GOLM1: variants seen among roughly 807,000 people sequenced by gnomAD.
GOLM1 encodes the protein golgi membrane protein 1.
Under a neutral mutation model 50.5 loss-of-function variants are expected in GOLM1, and 31 were observed. The ratio of observed to expected loss-of-function variants is 0.61; its 90% confidence interval spans 0.46 to 0.83. The LOEUF is 0.83. GOLM1 is among the 40% of genes least tolerant of loss of function. The pLI is 0.00. For synonymous variants in GOLM1, 178 were observed against 192.8 expected, an observed-to-expected ratio of 0.92 and a Z score of 0.64; for missense variants, 491 against 501.3, an observed-to-expected ratio of 0.98 and a Z score of 0.20.
At chr9:86,058,271 G>A (rs1355070864) in intron 3 of GOLM1, among the ~76,000 whole-genome samples, 8 of 152,222 alleles carry the variant, frequency 5.3e-5, no homozygotes, top group Non-Finnish European at 1.0e-4. Flanking sequence ...GAAACAGGTT[G>A]GGCAAAAGAT....
At chr9:86,056,272 T>C (rs926270403) in intron 3 of GOLM1, among the ~76,000 whole-genome samples, 2 of 152,044 alleles carry the variant, frequency 1.3e-5, no homozygotes, top group African/African-American at 4.8e-5. Flanking sequence ...TATCTTCCCC[T>C]ATCTACTTAC....
intron 5 of GOLM1, among the ~76,000 whole-genome samples, chr9:86,042,651 C>T (rs983291978): frequency 5.3e-5 from 8 of 152,220 alleles, no homozygotes; most frequent in Admixed American, 1.3e-4. Flanking sequence ...TGAAACATAG[C>T]GAACAAAAAG....
chr9:86,058,580 C>T (rs995623321), intron 3 of GOLM1, among the ~76,000 whole-genome samples: 4 of 151,568 alleles, frequency 2.6e-5, no homozygotes, highest in Non-Finnish European at 4.4e-5. Flanking sequence ...CCTGTAGTCC[C>T]AGCTACTTGG....
intron 3 of GOLM1, among the ~76,000 whole-genome samples, chr9:86,069,831 C>T (rs991660777): frequency 1.3e-5 from 2 of 152,192 alleles, no homozygotes; most frequent in African/African-American, 4.8e-5. Context: ...CACTGAAATG[C>T]TGTCCTTCTA....
chr9:86,048,435 T>C (rs552059147), intron 4 of GOLM1, among the ~76,000 whole-genome samples: 20 of 152,334 alleles, frequency 1.3e-4, no homozygotes, highest in African/African-American at 4.3e-4. Context: ...TCTAGATCCT[T>C]GAGGAATCGC....
intron 9 of GOLM1, among the ~76,000 whole-genome samples, chr9:86,028,612 T>G (rs1832863282): frequency 6.6e-6 from 1 of 152,200 alleles, no homozygotes; most frequent in South Asian, 2.1e-4. Context: ...CTAATTGAAC[T>G]GATTAACACA....
At chr9:86,088,420 G>GTGTATATATATA (rs1157260470) in intron 1 of GOLM1, among the ~76,000 whole-genome samples, 27 of 86,294 alleles carry the variant, frequency 3.1e-4, no homozygotes, top group African/African-American at 1.3e-3. Context: ...TTTGAAGGGT[G>GTGTATATATATA]TATATATATA....
Position 86,029,925 on chromosome 9 carries a change from G to C in GOLM1, c.1130-2032C>G, listed in dbSNP as rs554318766. Reference sequence around the variant, plus strand: ...GGAAACTAGGCCCAATTTAAAAGGTGGTTAGAGCCGGGGTGGTGGCTCACA... The same window carrying C: ...GGAAACTAGGCCCAATTTAAAAGGTCGTTAGAGCCGGGGTGGTGGCTCACA... On this transcript the variant is annotated intron_variant, in intron 9 of 9. Coordinates refer to ENST00000388712, the MANE Select transcript of GOLM1 (RefSeq NM_016548.4). Among the ~76,000 whole-genome samples, 2 of 152,286 alleles carry C rather than the reference G, an allele frequency of 1.3e-5. 1 individual carries two copies. Among genetic ancestry groups the C allele is most frequent in the African/African-American group, 4.8e-5 (2 of 41,552 alleles).
intron 4 of GOLM1, among the ~76,000 whole-genome samples, chr9:86,050,138 C>G (rs1446389460): frequency 6.6e-6 from 1 of 152,178 alleles, no homozygotes; most frequent in African/African-American, 2.4e-5. Context: ...TGGTTTTTAT[C>G]TTTGGTTCTG....
intron 3 of GOLM1, among the ~76,000 whole-genome samples, chr9:86,059,080 C>A (rs1415363555): frequency 1.3e-5 from 2 of 151,942 alleles, no homozygotes; most frequent in Admixed American, 6.6e-5. Context: ...AACTAGAACC[C>A]CCCCCCAATA....
chr9:86,037,454 A>AG (rs1175613105), intron 6 of GOLM1, among the ~76,000 whole-genome samples: 4 of 150,472 alleles, frequency 2.7e-5, no homozygotes, highest in African/African-American at 7.4e-5. Context: ...AAAAAAAAAA[A>AG]AAAAGAAAAT....
intron 3 of GOLM1, among the ~76,000 whole-genome samples, chr9:86,054,556 G>A (rs866853824): frequency 3.3e-5 from 5 of 152,284 alleles, no homozygotes; most frequent in Middle Eastern, 3.4e-3. Flanking sequence ...ATGTGAGGTA[G>A]TAGTGTATTA....
chr9:86,029,659 T>C (rs1444576210), intron 9 of GOLM1, among the ~76,000 whole-genome samples: 1 of 152,226 alleles, frequency 6.6e-6, no homozygotes, highest in African/African-American at 2.4e-5. Flanking sequence ...CTAATGCTTT[T>C]TTCTTCTAAT....
rs1834655238 is a variant in GOLM1 at position 86,077,516 on chromosome 9, CGTT to C, written c.202_204del (p.Asn68del). The C allele has an allele frequency of 6.2e-7, 1 of 1,613,256 alleles. No individual in the cohort carries two copies. The highest frequency in any genetic ancestry group is 1.1e-5 in the South Asian group (1 of 91,082). ...TGCTTCTCCAGCTCTCCCTGGAACT[CGTT>C]CTTCTTCAGCTCCACGGCGCCTCTC... On this transcript the variant is annotated inframe_deletion, in exon 3 of 10. Transcript: ENST00000388712.
intron 5 of GOLM1, among the ~76,000 whole-genome samples, chr9:86,044,046 C>A (rs1833452421): frequency 6.6e-6 from 1 of 152,200 alleles, no homozygotes; most frequent in Admixed American, 6.5e-5. Context: ...AACCTTAGCA[C>A]TGTATATGTT....
chr9:86,043,981 C>T (rs1418884783), intron 5 of GOLM1, among the ~76,000 whole-genome samples: 1 of 152,192 alleles, frequency 6.6e-6, no homozygotes, highest in East Asian at 1.9e-4. Flanking sequence ...GACTGAGGTA[C>T]TTCATTTCTG....
At chr9:86,027,987 CAT>C (rs1832838064) in intron 9 of GOLM1, 94 bp from the exon 10 acceptor site, 3 of 696,890 alleles carry the variant, frequency 4.3e-6, no homozygotes, top group Non-Finnish European at 4.9e-6. Flanking sequence ...TAGAAACTGT[CAT>C]AAAGAGGACT....
In GOLM1 at chr9:86,077,553, C is replaced by A; in HGVS notation, c.168G>T (p.Ala56=). Residue 56 remains alanine, a synonymous_variant, in exon 3 of 10, where the codon GCG becomes GCT. Coordinates refer to ENST00000388712, the MANE Select transcript of GOLM1 (RefSeq NM_016548.4). ...IMELEGRVRR[A]AAERGAVELK... ...GCTCCACGGCGCCTCTCTCTGCAGC[C>A]GCCCTGCGGACCCTGCCTTCCAGCT... 1 of 1,613,756 alleles carries A rather than the reference C, an allele frequency of 6.2e-7. No individual in the cohort carries two copies. The highest frequency in any genetic ancestry group is 1.1e-5 in the South Asian group (1 of 91,076).
chr9:86,070,178 C>T (rs1273085678), intron 3 of GOLM1, among the ~76,000 whole-genome samples: 8 of 152,016 alleles, frequency 5.3e-5, no homozygotes, highest in South Asian at 4.1e-4. Context: ...CCACCGTGTC[C>T]GACCTAAAGC....
Sources: gnomAD v4.1 joint callset for allele counts (sites outside exome capture counted in the v4.1 genomes callset) on GRCh38, gnomAD v4.1.1 for gene constraint, MANE v1.5 for transcripts, NCBI Gene and HGNC (gene_info 2026-07-23, HGNC 2026-07-21) for gene names.